The following ASXL3 variants were observed in gnomAD, a reference collection of about 807,000 sequenced individuals.
The protein encoded by ASXL3 is ASXL transcriptional regulator 3.
In ASXL3, 34 loss-of-function variants were observed where a neutral mutation model predicts 170.6. That is an observed-to-expected ratio of 0.20 (90% CI 0.15 to 0.27). ASXL3 has a LOEUF of 0.27. Among genes scored for constraint, ASXL3 ranks in the 10% least tolerant of loss-of-function variants. The pLI, the probability that ASXL3 is intolerant of heterozygous loss-of-function variation, is 1.00. For missense variants in ASXL3, 2,592 were observed against 2,695.3 expected (o/e 0.96, Z 0.85); for synonymous variants, 1,002 against 989.1 (o/e 1.01, Z -0.24).
In ASXL3 at chr18:33,673,353, CAG is replaced by C. The variant is rs952395061; in HGVS notation, c.715+1488_715+1489del. Among the ~76,000 whole-genome samples, 5 of 150,528 alleles carry C rather than the reference CAG, an allele frequency of 3.3e-5. No homozygotes were observed. In the East Asian group the frequency reaches 8.0e-4, roughly 24 times the overall value. ...AGGTATACCCTTATCAGTATCCTCT[CAG>C]GGGCTGAGATCTTCAGTATTTTTTT... On this transcript the variant is annotated intron_variant, in intron 7 of 11. Coordinates refer to ENST00000269197, the MANE Select transcript of ASXL3 (RefSeq NM_030632.3).
At chr18:33,718,036 C>A (rs988258746) in intron 8 of ASXL3, among the ~76,000 whole-genome samples, 3 of 152,028 alleles carry the variant, frequency 2.0e-5, no homozygotes, top group Non-Finnish European at 4.4e-5. Flanking sequence ...CTATATGTTC[C>A]TTATAAAATC....
At chr18:33,695,995 A>G (rs137861391) in intron 8 of ASXL3, among the ~76,000 whole-genome samples, 1 of 152,200 alleles carries the variant, frequency 6.6e-6, no homozygotes, top group African/African-American at 2.4e-5. Context: ...TAAATATGAA[A>G]AAGAGACAGT....
In ASXL3 at chr18:33,743,441, T is replaced by TATC; in HGVS notation, c.3594_3596dup (p.Ser1199dup). Reference sequence around the variant, plus strand: ...AAACTTCCAGAAACTGCCACTGACTTATCTGTGCATAGTTCTGATGAAAAC... The same window carrying TATC: ...AAACTTCCAGAAACTGCCACTGACTTATCATCTGTGCATAGTTCTGATGAAAAC... On this transcript the variant is annotated inframe_insertion, in exon 12 of 12. Transcript: ENST00000269197. The TATC allele has an allele frequency of 6.2e-7, 1 of 1,613,558 alleles. No homozygotes were observed. Among genetic ancestry groups the TATC allele is most frequent in the Non-Finnish European group, 8.5e-7 (1 of 1,179,872 alleles).
At chr18:33,625,245 G>A (rs72960024) in intron 2 of ASXL3, among the ~76,000 whole-genome samples, 20,476 of 152,108 alleles carry the variant, frequency 0.13, 1,836 homozygotes, top group South Asian at 0.23. Flanking sequence ...TGCACGTCCT[G>A]TATGATTCCT....
intron 4 of ASXL3, among the ~76,000 whole-genome samples, chr18:33,658,353 AT>A (rs756387052): frequency 6.6e-6 from 1 of 152,144 alleles, no homozygotes; most frequent in Non-Finnish European, 1.5e-5. Flanking sequence ...TTGTCAGAAT[AT>A]GAATCTGCAC....
At position 33,597,816 on chromosome 18, in the gene ASXL3, C is replaced by A. The variant is rs868711710; in HGVS notation, c.55-9778C>A. ...TACAAAAAAAAAAAAACAAAAAAAACAAAAAACAAACAAAACAAATCTACC... is the reference window on the plus strand; with the variant it reads ...TACAAAAAAAAAAAAACAAAAAAAAAAAAAAACAAACAAAACAAATCTACC... On this transcript the variant is annotated intron_variant, in intron 1 of 11. Transcript: ENST00000269197. Among the ~76,000 whole-genome samples the A allele has an allele frequency of 4.5e-4, 55 of 123,304 alleles. No individual in the cohort carries two copies. In the East Asian group the frequency reaches 8.7e-3, roughly 19 times the overall value. 80.9% of individuals were successfully genotyped at this position (123,304 alleles called of 152,430 possible). A position where few individuals can be genotyped will look rare whatever the true frequency, so the allele number is the denominator to read the frequency against.
intron 8 of ASXL3, among the ~76,000 whole-genome samples, chr18:33,716,233 C>T (rs1006179956): frequency 6.6e-6 from 1 of 152,138 alleles, no homozygotes. Flanking sequence ...TTACGGTGAA[C>T]ACAATCTGTA....
chr18:33,670,691 A>C lies in ASXL3; in HGVS notation c.496A>C (p.Lys166Gln), dbSNP rs1291748255. 6.4e-7 allele frequency: 1 copy of C among 1,564,538 alleles called. No homozygotes were observed. The highest frequency in any genetic ancestry group is 8.7e-7 in the Non-Finnish European group (1 of 1,153,702). Reference protein sequence around the residue: ...ALKQALRQQQKRRNGVSMMVN... With the variant: ...ALKQALRQQQQRRNGVSMMVN... ...TTTGTAGGCTTTGAGGCAGCAGCAG[A>C]AAAGAAGAAATGGAGTCTCAATGAT... The change falls in exon 6 of 12, where the codon AAA (lysine) becomes CAA (glutamine). Residue 166 changes from lysine (K) to glutamine (Q), a missense_variant. Transcript: ENST00000269197.
chr18:33,651,543 A>G (rs2065998819), intron 4 of ASXL3, among the ~76,000 whole-genome samples: 1 of 151,976 alleles, frequency 6.6e-6, no homozygotes, highest in South Asian at 2.1e-4. Context: ...ATCCTTTGGG[A>G]TGAAAGACTG....
rs371428737 is a variant in ASXL3 at position 33,729,477 on chromosome 18, T to C, written c.880-2491T>C. On this transcript the variant is annotated intron_variant, in intron 8 of 11. Coordinates refer to ENST00000269197, the MANE Select transcript of ASXL3 (RefSeq NM_030632.3). ...GTTTACCCTGTTTGCTCTGTACTCA[T>C]GTAGCCAAGATGATATAAAGTGGAG... Among the ~76,000 whole-genome samples, 107 of 152,306 alleles carry C rather than the reference T, an allele frequency of 7.0e-4. 2 individuals carry two copies. In the South Asian group the frequency reaches 0.02, roughly 28 times the overall value.
intron 1 of ASXL3, 97 bp from the exon 2 acceptor site, chr18:33,607,497 C>G: frequency 1.0e-6 from 1 of 977,260 alleles, no homozygotes; most frequent in Non-Finnish European, 1.6e-6. Flanking sequence ...AAGCCCCTTC[C>G]CCTCTAATAA....
intron 4 of ASXL3, among the ~76,000 whole-genome samples, chr18:33,649,955 C>G (rs1599445434): frequency 6.6e-6 from 1 of 152,012 alleles, no homozygotes; most frequent in East Asian, 1.9e-4. Flanking sequence ...TGTGTGCACT[C>G]AAGAGTTGCC....
intron 4 of ASXL3, among the ~76,000 whole-genome samples, chr18:33,654,379 T>G (rs1024198982): frequency 6.6e-6 from 1 of 152,088 alleles, no homozygotes; most frequent in Non-Finnish European, 1.5e-5. Flanking sequence ...TTAAAAAAAG[T>G]ACTTTTTCAT....
intron 8 of ASXL3, among the ~76,000 whole-genome samples, chr18:33,708,309 C>CA: frequency 6.6e-6 from 1 of 152,208 alleles, no homozygotes; most frequent in African/African-American, 2.4e-5. Context: ...TCTATCGTCT[C>CA]AGTTTTCATA....
Position 33,743,432 on chromosome 18 carries a change from C to T in ASXL3, c.3584C>T (p.Ala1195Val), listed in dbSNP as rs752566392. 6.2e-7 allele frequency: 1 copy of T among 1,613,336 alleles called. No individual in the cohort carries two copies. Residue 1195 changes from alanine to valine, a missense_variant, in exon 12 of 12, where the codon GCC becomes GTC. Physicochemically the swap from Ala to Val is moderately conservative, Grantham distance 64. Transcript: ENST00000269197. ...AACCCAAGTAAACTTCCAGAAACTG[C>T]CACTGACTTATCTGTGCATAGTTCT... The part of the protein sequence containing the change: ...SLNPSKLPET[A>V]TDLSVHSSDE...
chr18:33,624,347 A>G (rs528191216), intron 2 of ASXL3, among the ~76,000 whole-genome samples: 17 of 151,680 alleles, frequency 1.1e-4, no homozygotes, highest in Middle Eastern at 3.4e-3. Flanking sequence ...AATTATACCT[A>G]TTGATATTTC....
intron 8 of ASXL3, among the ~76,000 whole-genome samples, chr18:33,687,133 C>T (rs1310238690): frequency 6.6e-6 from 1 of 152,076 alleles, no homozygotes; most frequent in East Asian, 1.9e-4. Flanking sequence ...TCTAGAGTAA[C>T]TTAAGAAAGA....
At position 33,620,077 on chromosome 18, in the gene ASXL3, C is replaced by G. The variant is rs562944137; in HGVS notation, c.137+12401C>G. Among the ~76,000 whole-genome samples, 37 of 152,190 alleles carry G rather than the reference C, an allele frequency of 2.4e-4. 1 individual carries two copies. In the South Asian group the frequency reaches 3.9e-3, roughly 16 times the overall value. Reference sequence around the variant, plus strand: ...ACTTGTTCATCCACTCTCCTATCACCCATTTATTATACTCCCACTGGGAAG... The same window carrying G: ...ACTTGTTCATCCACTCTCCTATCACGCATTTATTATACTCCCACTGGGAAG... On this transcript the variant is annotated intron_variant, in intron 2 of 11. Transcript: ENST00000269197.
In ASXL3 at chr18:33,743,920, G is replaced by T. The variant is rs758894864; in HGVS notation, c.4072G>T (p.Val1358Phe). 2.9e-5 allele frequency: 46 copies of T among 1,613,852 alleles called. No homozygotes were observed. In the East Asian group the frequency reaches 1.0e-3, roughly 36 times the overall value. The change falls in exon 12 of 12, where the codon GTC (valine) becomes TTC (phenylalanine). Residue 1358 changes from valine (V) to phenylalanine (F), a missense_variant. This residue lies in a region of ASXL3 where 2,246 missense variants were observed against 2,219.6 expected (regional missense o/e 1.01). Transcript: ENST00000269197. ...TTTGCCAAACCTCTCCACTAGCTCT[G>T]TCTTGATTCCCCCAATGGGAATTAA... The part of the protein sequence containing the change: ...NNLPNLSTSS[V>F]LIPPMGINNR...
Sources: gnomAD v4.1 joint callset for allele counts (sites outside exome capture counted in the v4.1 genomes callset) on GRCh38, gnomAD v4.1.1 for gene constraint, gnomAD v4.1.1 regional missense constraint, MANE v1.5 for transcripts, NCBI Gene and HGNC (gene_info 2026-07-23, HGNC 2026-07-21) for gene names.